The following DNAJC12 variants were observed in gnomAD, a reference collection of about 807,000 sequenced individuals.
DNAJC12 encodes the protein DnaJ heat shock protein family (Hsp40) member C12, also known as dnaJ homolog subfamily C member 12.
A neutral mutation model predicts 28.5 loss-of-function variants in DNAJC12; 25 were observed. The ratio of observed to expected loss-of-function variants is 0.88; its 90% CI spans 0.64 to 1.22. The LOEUF (loss-of-function observed/expected upper bound fraction) is 1.22. Ranked by LOEUF, DNAJC12 falls within the 50% of genes most tolerant of loss-of-function variation. The pLI is 0.00. For missense variants in DNAJC12, 222 were observed against 231.7 expected (o/e 0.96, Z 0.27); for synonymous variants, 77 against 80.6 (o/e 0.95, Z 0.24).
At chr10:67,834,545 G>T (rs993699289) in intron 1 of DNAJC12, among the ~76,000 whole-genome samples, 2 of 152,174 alleles carry the variant, frequency 1.3e-5, no homozygotes, top group Non-Finnish European at 2.9e-5. Context: ...CTGAGGAATA[G>T]AGGCCGGGCG....
chr10:67,820,841 TG>T (rs1327891996), intron 2 of DNAJC12, among the ~76,000 whole-genome samples: 1 of 139,264 alleles, frequency 7.2e-6, no homozygotes, highest in African/African-American at 2.7e-5. Flanking sequence ...TAGAGTGCAA[TG>T]GCGCAAGCTC....
At chr10:67,814,316 G>A (rs528078060) in intron 2 of DNAJC12, among the ~76,000 whole-genome samples, 9 of 151,976 alleles carry the variant, frequency 5.9e-5, no homozygotes, top group African/African-American at 2.2e-4. Context: ...TATATAAAAA[G>A]CATGAATTTA....
chr10:67,829,862 T>C (rs1449374338), intron 1 of DNAJC12, among the ~76,000 whole-genome samples: 2 of 152,170 alleles, frequency 1.3e-5, no homozygotes, highest in African/African-American at 2.4e-5. Flanking sequence ...CCTGAGAAAA[T>C]TTAAATATTT....
intron 4 of DNAJC12, among the ~76,000 whole-genome samples, chr10:67,799,964 C>T (rs10997815): frequency 0.51 from 77,683 of 150,944 alleles, 21,319 homozygotes; most frequent in East Asian, 0.86. Flanking sequence ...GGCACAGTGG[C>T]CCACACCTAT....
intron 4 of DNAJC12, among the ~76,000 whole-genome samples, chr10:67,803,293 AACCACTGCGTAACAC>A (rs1589602513): frequency 6.6e-6 from 1 of 152,198 alleles, no homozygotes; most frequent in East Asian, 1.9e-4. Flanking sequence ...CCACATTCTT[AACCACTGCGTAACAC>A]AGAGAAATGT....
chr10:67,822,160 G>A (rs1841987354), intron 2 of DNAJC12, among the ~76,000 whole-genome samples: 1 of 152,184 alleles, frequency 6.6e-6, no homozygotes, highest in Admixed American at 6.5e-5. Flanking sequence ...AAAATGGGGA[G>A]TGGGCTCAGA....
chr10:67,832,169 G>A (rs1173627169), intron 1 of DNAJC12, among the ~76,000 whole-genome samples: 1 of 151,644 alleles, frequency 6.6e-6, no homozygotes, highest in Non-Finnish European at 1.5e-5. Flanking sequence ...GGGGGCTGAG[G>A]CAGGAGAATT....
chr10:67,835,716 T>TCACACACA (rs1842135770), intron 1 of DNAJC12, among the ~76,000 whole-genome samples: 61 of 54,902 alleles, frequency 1.1e-3, no homozygotes, highest in African/African-American at 4.8e-3. Flanking sequence ...AGAGAAAAAA[T>TCACACACA]GACACACACA....
intron 1 of DNAJC12, among the ~76,000 whole-genome samples, chr10:67,834,555 G>A (rs1026245669): frequency 1.6e-4 from 24 of 152,308 alleles, no homozygotes; most frequent in African/African-American, 4.3e-4. Context: ...GAGGCCGGGC[G>A]CGGTGGCTCA....
chr10:67,797,014 GACATGACATAA>G lies in DNAJC12; in HGVS notation c.*91_*101del. 1 of 844,328 alleles carries G rather than the reference GACATGACATAA, an allele frequency of 1.2e-6. No homozygotes were observed. Among genetic ancestry groups the G allele is most frequent in the Non-Finnish European group, 1.8e-6 (1 of 545,602 alleles). The allele number at this position is 844,328 out of a possible 1,614,324, so 52.3% of individuals were successfully genotyped here. Reference sequence around the variant, plus strand: ...ATCAATTAGTACTCAGCAATTCACAGACATGACATAAACATGACATTTTTAAGACATAAACA... The same window carrying G: ...ATCAATTAGTACTCAGCAATTCACAGACATGACATTTTTAAGACATAAACA... On this transcript the variant is annotated 3_prime_UTR_variant, in exon 5 of 5. Coordinates refer to ENST00000225171, the MANE Select transcript of DNAJC12 (RefSeq NM_021800.3).
At chr10:67,819,185 T>G (rs148554127) in intron 2 of DNAJC12, among the ~76,000 whole-genome samples, 17,616 of 151,422 alleles carry the variant, frequency 0.12, 1,124 homozygotes, top group Middle Eastern at 0.18. Flanking sequence ...TACAAAAAAT[T>G]AGCCGGGCGC....
At chr10:67,816,615 AGCTCACT>A (rs1394440718) in intron 2 of DNAJC12, among the ~76,000 whole-genome samples, 1 of 147,344 alleles carries the variant, frequency 6.8e-6, no homozygotes, top group Non-Finnish European at 1.5e-5. Flanking sequence ...ACACAACCTC[AGCTCACT>A]GCAACCACCG....
chr10:67,803,396 G>T (rs77797709), intron 4 of DNAJC12, among the ~76,000 whole-genome samples: 19,288 of 152,194 alleles, frequency 0.13, 1,522 homozygotes, highest in East Asian at 0.3. Context: ...ATAGAGAATA[G>T]TGGAAGGAAA....
chr10:67,798,073 C>T (rs1400861563), intron 4 of DNAJC12, among the ~76,000 whole-genome samples: 2 of 149,978 alleles, frequency 1.3e-5, no homozygotes, highest in Non-Finnish European at 3.0e-5. Context: ...AAACCTTTGA[C>T]CCAATAATTT....
intron 2 of DNAJC12, among the ~76,000 whole-genome samples, chr10:67,812,118 C>T (rs1205847401): frequency 2.6e-5 from 4 of 152,106 alleles, no homozygotes; most frequent in African/African-American, 9.7e-5. Context: ...ACTATAAAGA[C>T]ATGACTGAGG....
chr10:67,825,993 TAGTA>T (rs1842025310), intron 1 of DNAJC12, among the ~76,000 whole-genome samples: 2 of 152,174 alleles, frequency 1.3e-5, no homozygotes, highest in African/African-American at 2.4e-5. Context: ...ATTTTTAAAT[TAGTA>T]AGTCATTTAT....
At position 67,826,296 on chromosome 10, in the gene DNAJC12, A is replaced by C. The variant is rs1005515511; in HGVS notation, c.79-2904T>G. 7.3e-5 allele frequency among the ~76,000 whole-genome samples: 11 copies of C among 151,102 alleles called. No individual in the cohort carries two copies. In the East Asian group the frequency reaches 2.2e-3, roughly 30 times the overall value. ...ACTACAGACACAGGCAACCACACCC[A>C]GCTAATTTTGCATGTTTTATAGAGA... is the stretch of plus-strand genomic sequence containing the variant. On this transcript the variant is annotated intron_variant, in intron 1 of 4. Coordinates refer to ENST00000225171, the MANE Select transcript of DNAJC12 (RefSeq NM_021800.3).
chr10:67,807,434 A>G (rs1841814439), intron 3 of DNAJC12, among the ~76,000 whole-genome samples: 1 of 152,220 alleles, frequency 6.6e-6, no homozygotes, highest in African/African-American at 2.4e-5. Flanking sequence ...ATTTCTCTGT[A>G]GATTTTATTT....
At chr10:67,823,774 T>C (rs1479686494) in intron 1 of DNAJC12, among the ~76,000 whole-genome samples, 1 of 152,096 alleles carries the variant, frequency 6.6e-6, no homozygotes, top group Non-Finnish European at 1.5e-5. Context: ...AAAACAGCCA[T>C]GATCAACCCA....
Sources: allele counts gnomAD v4.1 joint callset (sites outside exome capture counted in the v4.1 genomes callset), GRCh38; gene constraint gnomAD v4.1.1; transcripts MANE v1.5; gene names NCBI Gene and HGNC (gene_info 2026-07-23, HGNC 2026-07-21).